The following SGCZ variants were observed in gnomAD, a reference collection of about 807,000 sequenced individuals.
SGCZ encodes sarcoglycan zeta, also known as zeta-sarcoglycan.
In SGCZ, 40 loss-of-function variants were observed where a neutral mutation model predicts 41.3. That is an observed-to-expected ratio of 0.97 (90% CI 0.75 to 1.26). The LOEUF is 1.26. Ranked by LOEUF, SGCZ falls within the 50% of genes most tolerant of loss-of-function variation. The probability of loss-of-function intolerance (pLI) is 0.00; values close to 1 mark genes in which losing one functional copy is unlikely to be tolerated. For missense variants in SGCZ, 552 were observed against 369.8 expected (o/e 1.49, Z -4.04); for synonymous variants, 206 against 137.5 (o/e 1.50, Z -3.49).
intron 1 of SGCZ, among the ~76,000 whole-genome samples, chr8:14,840,793 T>C (rs1802876625): frequency 6.6e-6 from 1 of 151,998 alleles, no homozygotes; most frequent in Non-Finnish European, 1.5e-5. Flanking sequence ...CTACTCTTTT[T>C]AACTTTATGA....
In SGCZ at chr8:14,540,220, ATTTTTTTTTT is replaced by A. The variant is rs11428713; in HGVS notation, c.234+14502_234+14511del. ...AAATAATGGCTATTTTCTCTGCTTAATTTTTTTTTTTTTTTTTTTTTTTTTTTTACAAATT... is the reference window on the plus strand; with the variant it reads ...AAATAATGGCTATTTTCTCTGCTTAATTTTTTTTTTTTTTTTTTACAAATT... On this transcript the variant is annotated intron_variant, in intron 2 of 7. Coordinates refer to ENST00000382080, the MANE Select transcript of SGCZ (RefSeq NM_139167.4). Among the ~76,000 whole-genome samples the A allele has an allele frequency of 2.6e-3, 127 of 48,722 alleles. 3 individuals are homozygous for A. The highest frequency in any genetic ancestry group is 9.6e-3 in the African/African-American group (119 of 12,414). 32.0% of individuals were successfully genotyped at this position (48,722 alleles called of 152,430 possible).
chr8:14,491,911 C>A (rs1391539990), intron 2 of SGCZ, among the ~76,000 whole-genome samples: 1 of 152,056 alleles, frequency 6.6e-6, no homozygotes, highest in Non-Finnish European at 1.5e-5. Flanking sequence ...AATCCTTTAT[C>A]ATCACAGAAT....
chr8:14,182,204 G>C (rs1171459912), intron 4 of SGCZ, among the ~76,000 whole-genome samples: 1 of 152,114 alleles, frequency 6.6e-6, no homozygotes, highest in Admixed American at 6.5e-5. Context: ...AGTATGGATT[G>C]TAGTGCTACA....
chr8:14,148,714 A>G (rs1163048038), intron 5 of SGCZ, among the ~76,000 whole-genome samples: 1 of 152,130 alleles, frequency 6.6e-6, no homozygotes, highest in African/African-American at 2.4e-5. Context: ...CTTGATATCA[A>G]AACCAGACAA....
chr8:14,163,579 C>T (rs1268107490), intron 5 of SGCZ, among the ~76,000 whole-genome samples: 3 of 152,188 alleles, frequency 2.0e-5, no homozygotes, highest in Admixed American at 6.5e-5. Flanking sequence ...TCTCATCACA[C>T]AACTACACAC....
Position 14,625,995 on chromosome 8 carries a change from A to C in SGCZ, c.40-71069T>G, listed in dbSNP as rs529060826. On this transcript the variant is annotated intron_variant, in intron 1 of 7. Coordinates refer to ENST00000382080, the MANE Select transcript of SGCZ (RefSeq NM_139167.4). ...CCAAGGCCAAACTCCATTTGCAAAG[A>C]AAAAGGGGCAGTCGCATACTGTCGC... 6.6e-5 allele frequency among the ~76,000 whole-genome samples: 10 copies of C among 152,310 alleles called. No homozygotes were observed. In the South Asian group the frequency reaches 2.1e-3, roughly 32 times the overall value.
At chr8:14,870,622 A>G (rs964075611) in intron 1 of SGCZ, among the ~76,000 whole-genome samples, 1 of 152,186 alleles carries the variant, frequency 6.6e-6, no homozygotes, top group Non-Finnish European at 1.5e-5. Context: ...TGCACAGCAA[A>G]AGAAACTATC....
chr8:14,206,589 G>C (rs906016771), intron 4 of SGCZ, among the ~76,000 whole-genome samples: 12 of 152,066 alleles, frequency 7.9e-5, no homozygotes, highest in Non-Finnish European at 1.8e-4. Context: ...CAATGCCCTG[G>C]AAATTTATGA....
chr8:14,396,121 G>A (rs1034828309), intron 2 of SGCZ, among the ~76,000 whole-genome samples: 8 of 152,120 alleles, frequency 5.3e-5, no homozygotes, highest in Non-Finnish European at 1.0e-4. Flanking sequence ...GCCATCTCAT[G>A]TTCTCATACC....
intron 3 of SGCZ, among the ~76,000 whole-genome samples, chr8:14,285,713 A>T (rs1448795961): frequency 6.6e-6 from 1 of 152,084 alleles, no homozygotes; most frequent in Non-Finnish European, 1.5e-5. Flanking sequence ...ACCAGGGGAA[A>T]GTGGTTTCTA....
intron 3 of SGCZ, among the ~76,000 whole-genome samples, chr8:14,241,269 T>C (rs1194881238): frequency 6.6e-6 from 1 of 151,818 alleles, no homozygotes; most frequent in Non-Finnish European, 1.5e-5. Context: ...TACTCTCTTA[T>C]AGTTTATTCT....
intron 2 of SGCZ, among the ~76,000 whole-genome samples, chr8:14,531,869 G>C (rs1377646677): frequency 6.6e-6 from 1 of 151,996 alleles, no homozygotes; most frequent in East Asian, 1.9e-4. Flanking sequence ...GATTAAATAA[G>C]TTTGATAGCT....
intron 2 of SGCZ, among the ~76,000 whole-genome samples, chr8:14,346,236 C>T (rs935617950): frequency 1.8e-4 from 28 of 151,942 alleles, no homozygotes; most frequent in African/African-American, 6.3e-4. Context: ...GTACATTCTG[C>T]TCATTTTCCT....
chr8:14,187,697 T>C (rs142402427), intron 4 of SGCZ, among the ~76,000 whole-genome samples: 1 of 151,884 alleles, frequency 6.6e-6, no homozygotes. Flanking sequence ...AAATGACAAC[T>C]GCAGGACACC....
chr8:15,186,512 T>C (rs1800350629), intron 1 of SGCZ, among the ~76,000 whole-genome samples: 1 of 152,122 alleles, frequency 6.6e-6, no homozygotes, highest in Admixed American at 6.6e-5. Flanking sequence ...AACACAGTCC[T>C]TTCTAAACAA....
chr8:14,271,995 A>G (rs962610442), intron 3 of SGCZ, among the ~76,000 whole-genome samples: 17 of 152,022 alleles, frequency 1.1e-4, no homozygotes, highest in African/African-American at 4.1e-4. Context: ...TCATTCACTT[A>G]CCAATGCCCT....
chr8:14,812,301 C>T (rs908989758), intron 1 of SGCZ, among the ~76,000 whole-genome samples: 1 of 151,976 alleles, frequency 6.6e-6, no homozygotes. Flanking sequence ...AGAATATTGT[C>T]TCTGCCCTGC....
chr8:14,312,563 G>A (rs540215396), intron 3 of SGCZ, among the ~76,000 whole-genome samples: 2 of 152,196 alleles, frequency 1.3e-5, no homozygotes, highest in South Asian at 2.1e-4. Context: ...AAGCTCCAGT[G>A]TGCGATAATC....
chr8:14,771,254 G>C (rs1800226973), intron 1 of SGCZ, among the ~76,000 whole-genome samples: 1 of 152,142 alleles, frequency 6.6e-6, no homozygotes, highest in South Asian at 2.1e-4. Flanking sequence ...ATATACCTCT[G>C]TGTGGGGTCA....
Sources: allele counts gnomAD v4.1 joint callset (sites outside exome capture counted in the v4.1 genomes callset), GRCh38; gene constraint gnomAD v4.1.1; transcripts MANE v1.5; gene names NCBI Gene and HGNC (gene_info 2026-07-23, HGNC 2026-07-21).